Variants in TAS2R1 observed in about 807,000 individuals in gnomAD.
TAS2R1 encodes the protein taste receptor type 2 member 1.
For missense variants in TAS2R1, 370 were observed against 353.4 expected (o/e 1.05, Z -0.38); for synonymous variants, 141 against 134.2 (o/e 1.05, Z -0.35).
At chr5:9,903,579 G>T in the TAS2R1 span, 5 of 152,030 alleles carry the variant, frequency 3.3e-5, no homozygotes, top group African/African-American at 1.2e-4. Flanking sequence ...ATGATGTTTG[G>T]TTTTCCATTT....
chr5:9,730,278 C>T, the TAS2R1 span, among the ~76,000 whole-genome samples: 1 of 152,214 alleles, frequency 6.6e-6, no homozygotes, highest in Non-Finnish European at 1.5e-5. Context: ...AGTTTCTCCA[C>T]CATTGACATC....
chr5:9,732,310 C>A, the TAS2R1 span, among the ~76,000 whole-genome samples: 1 of 152,134 alleles, frequency 6.6e-6, no homozygotes, highest in Non-Finnish European at 1.5e-5. Context: ...GTTGATAATA[C>A]AACTGGAAAG....
chr5:9,800,593 C>T, the TAS2R1 span, among the ~76,000 whole-genome samples: 4 of 152,246 alleles, frequency 2.6e-5, no homozygotes, highest in African/African-American at 9.6e-5. Flanking sequence ...GTAGGCACCT[C>T]CAAGTGCCTG....
At chr5:9,883,899 T>C in the TAS2R1 span, 4 of 152,170 alleles carry the variant, frequency 2.6e-5, no homozygotes, top group Non-Finnish European at 4.4e-5. Flanking sequence ...TAATTTATAA[T>C]GAATAGAACT....
At chr5:9,783,320 C>G in the TAS2R1 span, among the ~76,000 whole-genome samples, 1 of 152,240 alleles carries the variant, frequency 6.6e-6, no homozygotes, top group Non-Finnish European at 1.5e-5. Context: ...GTAACATCAA[C>G]AGGCTGAGCT....
intron 2 of TAS2R1, among the ~76,000 whole-genome samples, chr5:9,654,474 C>CA (rs879710056): frequency 2.6e-4 from 38 of 148,694 alleles, no homozygotes; most frequent in African/African-American, 5.9e-4. Context: ...TCTTTTGGAA[C>CA]AAAAAAAAAG....
chr5:9,754,496 A>G, the TAS2R1 span, among the ~76,000 whole-genome samples: 1 of 152,234 alleles, frequency 6.6e-6, no homozygotes, highest in Non-Finnish European at 1.5e-5. Context: ...GTATACCTAG[A>G]AAACCCCATC....
At chr5:9,668,799 A>G (rs1232431357) in intron 1 of TAS2R1, among the ~76,000 whole-genome samples, 2 of 152,152 alleles carry the variant, frequency 1.3e-5, no homozygotes, top group African/African-American at 4.8e-5. Context: ...ACTAGCTAGC[A>G]CAAAAGCACA....
chr5:9,831,420 GTGTT>G, the TAS2R1 span, among the ~76,000 whole-genome samples: 1 of 152,120 alleles, frequency 6.6e-6, no homozygotes, highest in Admixed American at 6.5e-5. Context: ...GCATTTAGAA[GTGTT>G]TGTTTTATTC....
the TAS2R1 span, among the ~76,000 whole-genome samples, chr5:9,897,406 G>T: frequency 6.6e-6 from 1 of 152,150 alleles, no homozygotes; most frequent in Non-Finnish European, 1.5e-5. Flanking sequence ...CCGAGATCAC[G>T]CCGCTGCACT....
chr5:9,873,736 G>T, the TAS2R1 span, among the ~76,000 whole-genome samples: 1 of 151,966 alleles, frequency 6.6e-6, no homozygotes. Flanking sequence ...GGTAGTGGTG[G>T]CCTGCACTTG....
chr5:9,754,568 T>C, the TAS2R1 span, among the ~76,000 whole-genome samples: 233 of 152,268 alleles, frequency 1.5e-3, no homozygotes, highest in African/African-American at 5.3e-3. Context: ...GGATACAAAA[T>C]CAATGTGCAA....
intron 1 of TAS2R1, among the ~76,000 whole-genome samples, chr5:9,697,202 AC>A (rs1484906673): frequency 6.6e-6 from 1 of 152,148 alleles, no homozygotes; most frequent in East Asian, 1.9e-4. Flanking sequence ...ACCTCTTGAA[AC>A]AAAAAAAGAC....
At chr5:9,802,975 T>C in the TAS2R1 span, among the ~76,000 whole-genome samples, 3 of 152,004 alleles carry the variant, frequency 2.0e-5, no homozygotes, top group Admixed American at 6.5e-5. Flanking sequence ...AAAGGTGAAG[T>C]CCAACTTAAA....
At chr5:9,749,056 A>G in the TAS2R1 span, among the ~76,000 whole-genome samples, 4 of 152,170 alleles carry the variant, frequency 2.6e-5, no homozygotes, top group African/African-American at 9.7e-5. Context: ...TCTTATTTTT[A>G]GACTTCTCCC....
chr5:9,779,133 A>G, the TAS2R1 span, among the ~76,000 whole-genome samples: 1 of 152,226 alleles, frequency 6.6e-6, no homozygotes, highest in African/African-American at 2.4e-5. Context: ...CCGTCCTCGC[A>G]GTAATGATTT....
chr5:9,886,010 A>C, the TAS2R1 span, among the ~76,000 whole-genome samples: 1 of 151,970 alleles, frequency 6.6e-6, no homozygotes, highest in African/African-American at 2.4e-5. Context: ...TACAAGCTTC[A>C]AATATGATTT....
the TAS2R1 span, among the ~76,000 whole-genome samples, chr5:9,719,606 C>G: frequency 1.3e-5 from 2 of 152,158 alleles, no homozygotes; most frequent in Non-Finnish European, 2.9e-5. Context: ...CAGCACTGGA[C>G]TCTTCTGGCT....
the TAS2R1 span, among the ~76,000 whole-genome samples, chr5:9,861,823 A>G: frequency 6.6e-6 from 1 of 152,190 alleles, no homozygotes; most frequent in South Asian, 2.1e-4. Flanking sequence ...CTCCTGCCCT[A>G]GCCCCAGCTC....
Sources: allele counts gnomAD v4.1 joint callset (sites outside exome capture counted in the v4.1 genomes callset), GRCh38; gene constraint gnomAD v4.1.1; transcripts MANE v1.5; gene names NCBI Gene and HGNC (gene_info 2026-07-23, HGNC 2026-07-21).